Variants in ADGRV1 observed in about 807,000 individuals in gnomAD.
ADGRV1 encodes the protein G-protein coupled receptor 98.
ADGRV1 carries 359 observed loss-of-function variants against 596.2 expected under a neutral mutation model. The observed-to-expected ratio is 0.60, with a 90% confidence interval of 0.55 to 0.66. The LOEUF (loss-of-function observed/expected upper bound fraction) is 0.66. Ranked by LOEUF, ADGRV1 falls within the 30% of genes least tolerant of loss-of-function variation. ADGRV1 has a pLI of 0.00. For synonymous variants in ADGRV1, 2,681 were observed against 2,679.2 expected, an observed-to-expected ratio of 1.00 and a Z score of -0.02; for missense variants, 7,274 against 7,575.6, an observed-to-expected ratio of 0.96 and a Z score of 1.48.
chr5:91,037,865 T>C (rs909854151), intron 85 of ADGRV1, among the ~76,000 whole-genome samples: 7 of 152,278 alleles, frequency 4.6e-5, no homozygotes, highest in African/African-American at 1.4e-4. Flanking sequence ...ACATCACAAG[T>C]GGAAAATTCC....
chr5:91,035,779 C>T (rs1032281875), intron 85 of ADGRV1, among the ~76,000 whole-genome samples: 1 of 144,842 alleles, frequency 6.9e-6, no homozygotes, highest in Non-Finnish European at 1.5e-5. Context: ...TCTATAACAT[C>T]GAATAATAAT....
intron 83 of ADGRV1, among the ~76,000 whole-genome samples, chr5:90,951,682 G>A (rs1200963276): frequency 6.6e-6 from 1 of 152,016 alleles, no homozygotes; most frequent in African/African-American, 2.4e-5. Flanking sequence ...TTAAATCATA[G>A]GTTTGTAAAT....
chr5:90,793,495 C>T (rs1349320395), intron 70 of ADGRV1, among the ~76,000 whole-genome samples: 1 of 152,136 alleles, frequency 6.6e-6, no homozygotes, highest in African/African-American at 2.4e-5. Flanking sequence ...TTTTACTAAG[C>T]AACGTGTATA....
chr5:90,628,967 T>C (rs1199898722), intron 8 of ADGRV1, 135 bp downstream of exon 8: 11 of 823,704 alleles, frequency 1.3e-5, no homozygotes, highest in East Asian at 2.7e-5. Context: ...ATGATAGTTT[T>C]CTTACTCAGT....
chr5:90,843,835 C>A (rs1019687425), intron 78 of ADGRV1, among the ~76,000 whole-genome samples: 12 of 151,970 alleles, frequency 7.9e-5, no homozygotes, highest in Admixed American at 6.6e-4. Context: ...TTATGAGGGG[C>A]CTGACTAAAT....
At chr5:90,965,269 T>C (rs1778350592) in intron 83 of ADGRV1, 146 bp from the exon 84 acceptor site, 1 of 604,344 alleles carries the variant, frequency 1.7e-6, no homozygotes, top group South Asian at 1.9e-5. Context: ...AGAATGACTC[T>C]TAGTCATATC....
intron 83 of ADGRV1, among the ~76,000 whole-genome samples, chr5:90,910,449 G>A (rs2150686836): frequency 6.6e-6 from 1 of 152,140 alleles, no homozygotes; most frequent in Admixed American, 6.6e-5. Context: ...TGATTAGCCA[G>A]TCATTTAAAA....
chr5:90,745,694 C>G lies in ADGRV1; in HGVS notation c.10873C>G (p.Leu3625Val), dbSNP rs761066341. The G allele has an allele frequency of 4.2e-5, 67 of 1,611,834 alleles. 1 individual carries two copies. In the South Asian group the frequency reaches 6.7e-4, roughly 16 times the overall value. The change falls in exon 52 of 90, where the codon CTT becomes GTT. Residue 3625 changes from leucine to valine, a missense_variant. Leu to Val is a conservative substitution (Grantham distance 32, BLOSUM62 1). Transcript: ENST00000405460. ...PEKEESFKVQ[L>V]KNPKGGAEIG... ...AAAAGAAGAATCCTTCAAAGTTCAA[C>G]TTAAAAATCCCAAAGGAGGAGCAGA... is the stretch of plus-strand genomic sequence containing the variant.
At chr5:90,885,041 A>T (rs4916692) in intron 83 of ADGRV1, among the ~76,000 whole-genome samples, 31,903 of 152,032 alleles carry the variant, frequency 0.21, 5,242 homozygotes, top group African/African-American at 0.44. Flanking sequence ...CCCATGGACC[A>T]TGCAGCCCCA....
intron 70 of ADGRV1, among the ~76,000 whole-genome samples, chr5:90,794,952 A>G (rs1450111041): frequency 6.6e-6 from 1 of 152,018 alleles, no homozygotes; most frequent in African/African-American, 2.4e-5. Context: ...TCTGGCCCAG[A>G]TACTGTGCTT....
At chr5:90,895,051 A>G (rs985668242) in intron 83 of ADGRV1, among the ~76,000 whole-genome samples, 1 of 151,892 alleles carries the variant, frequency 6.6e-6, no homozygotes, top group East Asian at 1.9e-4. Flanking sequence ...ACCTCAGCCT[A>G]CTGAGCAGCT....
chr5:90,706,291 T>C lies in ADGRV1; in HGVS notation c.8627T>C (p.Val2876Ala), dbSNP rs1748585292. The C allele has an allele frequency of 1.2e-6, 2 of 1,613,496 alleles. No individual in the cohort carries two copies. The highest frequency in any genetic ancestry group is 1.7e-6 in the Non-Finnish European group (2 of 1,179,666). The change falls in exon 38 of 90, where the codon GTA becomes GCA. Residue 2876 changes from valine to alanine, a missense_variant. By Grantham distance (64) the Val-to-Ala change is moderately conservative. Coordinates refer to ENST00000405460, the MANE Select transcript of ADGRV1 (RefSeq NM_032119.4). ...PGMLSLKNQT[V>A]GNLAEPEVDF... Reference sequence around the variant, plus strand: ...ATGCTGAGTCTGAAGAACCAAACAGTAGGAAACCTAGCAGAGCCAGAAGTT... The same window carrying C: ...ATGCTGAGTCTGAAGAACCAAACAGCAGGAAACCTAGCAGAGCCAGAAGTT...
At chr5:91,003,068 C>CT (rs1781976892) in intron 85 of ADGRV1, among the ~76,000 whole-genome samples, 1 of 152,184 alleles carries the variant, frequency 6.6e-6, no homozygotes, top group East Asian at 1.9e-4. Context: ...GTACCACACT[C>CT]TAACACAGTC....
At chr5:91,037,105 G>T (rs753243438) in intron 85 of ADGRV1, among the ~76,000 whole-genome samples, 2 of 152,094 alleles carry the variant, frequency 1.3e-5, no homozygotes, top group Non-Finnish European at 2.9e-5. Flanking sequence ...AGTTCTCCTT[G>T]CCCCAAAGAC....
chr5:90,763,347 T>A lies in ADGRV1; in HGVS notation c.12163T>A (p.Tyr4055Asn). 1 of 1,611,148 alleles carries A rather than the reference T, an allele frequency of 6.2e-7. No homozygotes were observed. Among genetic ancestry groups the A allele is most frequent in the South Asian group, 1.1e-5 (1 of 90,814 alleles). ...ESLSSDDPDS[Y>N]VTLTVVRSPG... ...CCTTTCATCCGATGACCCTGATTCA[T>A]ATGTGACATTGACGGTTGTCCGGTC... The change falls in exon 59 of 90, where the codon TAT becomes AAT. Residue 4055 changes from tyrosine (Y) to asparagine (N), a missense_variant. Tyr to Asn is a moderately radical substitution (Grantham distance 143, BLOSUM62 -2). This residue lies in a region of ADGRV1 where 3,643 missense variants were observed against 3,809.2 expected (regional missense o/e 0.96). Transcript: ENST00000405460.
intron 38 of ADGRV1, among the ~76,000 whole-genome samples, 177 bp from the exon 39 acceptor site, chr5:90,708,639 C>A (rs1396091641): frequency 1.3e-5 from 2 of 151,910 alleles, no homozygotes; most frequent in African/African-American, 4.8e-5. Flanking sequence ...TCCTATACAA[C>A]CAAGTATAAG....
intron 83 of ADGRV1, among the ~76,000 whole-genome samples, chr5:90,888,336 G>A (rs1162107347): frequency 6.6e-6 from 1 of 152,054 alleles, no homozygotes; most frequent in Admixed American, 6.5e-5. Flanking sequence ...TTACTGCACT[G>A]TGAGTTCTTA....
chr5:90,807,042 G>A (rs1159333719), intron 72 of ADGRV1, among the ~76,000 whole-genome samples: 1 of 151,858 alleles, frequency 6.6e-6, no homozygotes, highest in Non-Finnish European at 1.5e-5. Flanking sequence ...TTGTACAGAT[G>A]GGGTTTCACC....
intron 29 of ADGRV1, among the ~76,000 whole-genome samples, chr5:90,689,329 C>A (rs1243905265): frequency 7.1e-6 from 1 of 139,900 alleles, no homozygotes; most frequent in African/African-American, 2.7e-5. Context: ...TTTCCCCACC[C>A]ACCTTTTTTT....
Sources: gnomAD v4.1 joint callset for allele counts (sites outside exome capture counted in the v4.1 genomes callset) on GRCh38, gnomAD v4.1.1 for gene constraint, gnomAD v4.1.1 regional missense constraint, MANE v1.5 for transcripts, NCBI Gene and HGNC (gene_info 2026-07-23, HGNC 2026-07-21) for gene names.